PCDHGB7: variants seen among roughly 807,000 people sequenced by gnomAD.
PCDHGB7 encodes the protein protocadherin gamma subfamily B, 7.
In PCDHGB7, 37 loss-of-function variants were observed where a neutral mutation model predicts 61.4. The observed-to-expected ratio is 0.60, with a 90% CI of 0.46 to 0.79. The LOEUF (loss-of-function observed/expected upper bound fraction) is 0.79. PCDHGB7 is among the 30% of genes least tolerant of loss of function. The pLI, the probability that PCDHGB7 is intolerant of heterozygous loss-of-function variation, is 0.00. For synonymous variants in PCDHGB7, 464 were observed against 503.5 expected (o/e 0.92, Z 1.05); for missense variants, 1,166 against 1,202.5 (o/e 0.97, Z 0.45).
rs376773009 is a variant in PCDHGB7, at chr5:141,511,838, C to T, written c.*665C>T. 64 of 156,854 alleles carry T rather than the reference C, an allele frequency of 4.1e-4. No homozygotes were observed. Among genetic ancestry groups the T allele is most frequent in the Non-Finnish European group, 6.8e-4 (48 of 70,726 alleles). The allele number at this position is 156,854 out of a possible 1,614,324, so 9.7% of individuals were successfully genotyped here. A position where few individuals can be genotyped will look rare whatever the true frequency, so the allele number is the denominator to read the frequency against. ...TCTTCCCAACGCCCTGGGGACCAGTCTTCTGTTTTGTTTTTCATTGTTTGA... is the reference window on the plus strand; with the variant it reads ...TCTTCCCAACGCCCTGGGGACCAGTTTTCTGTTTTGTTTTTCATTGTTTGA... On this transcript the variant is annotated 3_prime_UTR_variant, in exon 4 of 4. Transcript: ENST00000398594.
intron 1 of PCDHGB7, chr5:141,422,096 C>T: frequency 6.2e-7 from 1 of 1,610,710 alleles, no homozygotes; most frequent in Non-Finnish European, 8.5e-7. Context: ...AGCAAGGCTT[C>T]TGAAATATTC....
intron 1 of PCDHGB7, chr5:141,428,335 T>G (rs535486665): frequency 3.3e-6 from 2 of 615,106 alleles, no homozygotes; most frequent in East Asian, 5.9e-5. Context: ...TTCTATGCTC[T>G]TCTTCCTCGC....
In PCDHGB7 at chr5:141,431,149, G is replaced by A. The variant is rs150692324; in HGVS notation, c.2415+10875G>A. Reference sequence around the variant, plus strand: ...AAGTAAGGGACATTAACGACAATGCGCCTTACTTTCGTGAAAGTGAATTAG... The same window carrying A: ...AAGTAAGGGACATTAACGACAATGCACCTTACTTTCGTGAAAGTGAATTAG... On this transcript the variant is annotated intron_variant, in intron 1 of 3. Coordinates refer to ENST00000398594, the MANE Select transcript of PCDHGB7 (RefSeq NM_018927.4). This position sits in a 1 kb window ranked among gnomAD's most constrained non-coding sequence, Gnocchi z 4.8. The A allele has an allele frequency of 3.7e-4, 605 of 1,614,210 alleles. No individual in the cohort carries two copies. Among genetic ancestry groups the A allele is most frequent in the Non-Finnish European group, 4.7e-4 (552 of 1,180,020 alleles).
chr5:141,423,672 T>A, intron 1 of PCDHGB7: 2 of 1,549,982 alleles, frequency 1.3e-6, no homozygotes, highest in Non-Finnish European at 1.7e-6. Context: ...TGAGATTTAT[T>A]TCTCTGCCTC....
Position 141,490,896 on chromosome 5 carries a change from G to A in PCDHGB7, c.2416-3911G>A. 6.2e-7 allele frequency: 1 copy of A among 1,613,938 alleles called. No homozygotes were observed. Among genetic ancestry groups the A allele is most frequent in the Non-Finnish European group, 8.5e-7 (1 of 1,179,922 alleles). ...TGCATGCCAACACATCTCTGCATGTGTTTGTCCTAGACGAGAATGATAATG... is the reference window on the plus strand; with the variant it reads ...TGCATGCCAACACATCTCTGCATGTATTTGTCCTAGACGAGAATGATAATG... On this transcript the variant is annotated intron_variant, in intron 1 of 3. Coordinates refer to ENST00000398594, the MANE Select transcript of PCDHGB7 (RefSeq NM_018927.4). This position sits in a 1 kb window ranked among gnomAD's most constrained non-coding sequence, Gnocchi z 5.4.
rs367744321 is a variant in PCDHGB7, at chr5:141,489,394, C to G, written c.2416-5413C>G. The G allele has an allele frequency of 3.7e-6, 6 of 1,614,008 alleles. No individual in the cohort carries two copies. In the African/African-American group the frequency reaches 6.7e-5, roughly 18 times the overall value. On this transcript the variant is annotated intron_variant, in intron 1 of 3. Transcript: ENST00000398594. The surrounding 1 kb of genome is among the most constrained non-coding windows in gnomAD (Gnocchi z 4.5). ...GCTGGTGGGGAATGTTGCTCAGGATCTGGGCTTAAAGATGACAGATCTGTT... is the reference window on the plus strand; with the variant it reads ...GCTGGTGGGGAATGTTGCTCAGGATGTGGGCTTAAAGATGACAGATCTGTT...
chr5:141,435,181 T>C (rs1249878603), intron 1 of PCDHGB7, among the ~76,000 whole-genome samples: 1 of 152,184 alleles, frequency 6.6e-6, no homozygotes, highest in African/African-American at 2.4e-5. Context: ...TTAACTACAC[T>C]TGAGATGGCT....
At position 141,419,457 on chromosome 5, in the gene PCDHGB7, A is replaced by AGGCCCGCGACCAGGGCT; in HGVS notation, c.1599_1615dup (p.Ser539TrpfsTer14). 1.2e-6 allele frequency: 2 copies of AGGCCCGCGACCAGGGCT among 1,612,728 alleles called. No individual in the cohort carries two copies. The highest frequency in any genetic ancestry group is 1.7e-6 in the Non-Finnish European group (2 of 1,179,610). ...CTGCGCACCTTCGAGCTCACGCTGC[A>AGGCCCGCGACCAGGGCT]GGCCCGCGACCAGGGCTCGCCCGCG... is the stretch of plus-strand genomic sequence containing the variant. On this transcript the variant is annotated frameshift_variant, in exon 1 of 4. Coordinates refer to ENST00000398594, the MANE Select transcript of PCDHGB7 (RefSeq NM_018927.4). LOFTEE classifies it high-confidence loss of function.
intron 3 of PCDHGB7, among the ~76,000 whole-genome samples, chr5:141,509,320 C>A (rs1261653347): frequency 6.6e-6 from 1 of 152,194 alleles, no homozygotes; most frequent in Non-Finnish European, 1.5e-5. Flanking sequence ...GGGAGAGAAG[C>A]TCTACTGCCA....
In PCDHGB7 at chr5:141,476,762, G is replaced by A. The variant is rs1338892879; in HGVS notation, c.2416-18045G>A. The A allele has an allele frequency of 6.2e-7, 1 of 1,613,848 alleles. No individual in the cohort carries two copies. ...GCCTAGTCTCCAGTTAGTGCTGACG[G>A]CGTTGGACGGAGGGACCCCAGCTCT... On this transcript the variant is annotated intron_variant, in intron 1 of 3. Coordinates refer to ENST00000398594, the MANE Select transcript of PCDHGB7 (RefSeq NM_018927.4). The surrounding 1 kb of genome is among the most constrained non-coding windows in gnomAD (Gnocchi z 7.6).
chr5:141,489,431 T>C lies in PCDHGB7; in HGVS notation c.2416-5376T>C. 6.2e-7 allele frequency: 1 copy of C among 1,614,132 alleles called. No individual in the cohort carries two copies. Among genetic ancestry groups the C allele is most frequent in the Non-Finnish European group, 8.5e-7 (1 of 1,180,024 alleles). On this transcript the variant is annotated intron_variant, in intron 1 of 3. Transcript: ENST00000398594. This position sits in a 1 kb window ranked among gnomAD's most constrained non-coding sequence, Gnocchi z 4.5. ...ATGACAGATCTGTTGAGCCGGCGGC[T>C]GCAATTGGGCTCTGAGGAGAATGGG...
In PCDHGB7 at chr5:141,431,253, ACT is replaced by A. The variant is rs757246289; in HGVS notation, c.2415+10984_2415+10985del. On this transcript the variant is annotated intron_variant, in intron 1 of 3. Coordinates refer to ENST00000398594, the MANE Select transcript of PCDHGB7 (RefSeq NM_018927.4). This position sits in a 1 kb window ranked among gnomAD's most constrained non-coding sequence, Gnocchi z 4.8. ...GCCTGGGATCCGGATATCGGGAAGA[ACT>A]CTCTGCAGAGCTACGAGCTCAGCCC... 2.2e-5 allele frequency: 35 copies of A among 1,614,014 alleles called. No individual in the cohort carries two copies. In the South Asian group the frequency reaches 3.1e-4, roughly 14 times the overall value.
chr5:141,491,312 C>T lies in PCDHGB7; in HGVS notation c.2416-3495C>T, dbSNP rs749198887. The stretch of plus-strand genomic sequence containing the variant: ...CACCCTCCTGAGCGTTCAGACCTTA[C>T]CCTTTACCTCATTGTGGCTCTAGCG... On this transcript the variant is annotated intron_variant, in intron 1 of 3. Transcript: ENST00000398594. The surrounding 1 kb of genome is among the most constrained non-coding windows in gnomAD (Gnocchi z 6.9). 3 of 1,614,170 alleles carry T rather than the reference C, an allele frequency of 1.9e-6. No individual in the cohort carries two copies. Among genetic ancestry groups the T allele is most frequent in the East Asian group, 4.5e-5 (2 of 44,878 alleles).
chr5:141,449,693 G>A (rs2098652097), intron 1 of PCDHGB7, among the ~76,000 whole-genome samples: 1 of 150,164 alleles, frequency 6.7e-6, no homozygotes, highest in South Asian at 2.1e-4. Flanking sequence ...TTGTGTGTAT[G>A]TACACAAACA....
chr5:141,511,031 A>G lies in PCDHGB7; in HGVS notation c.2648A>G (p.Gln883Arg). 6.2e-7 allele frequency: 1 copy of G among 1,614,244 alleles called. No individual in the cohort carries two copies. The highest frequency in any genetic ancestry group is 8.5e-7 in the Non-Finnish European group (1 of 1,180,034). ...SARYGPQFTL[Q>R]HVPDYRQNVY... Reference sequence around the variant, plus strand: ...CGCTACGGACCCCAGTTCACCCTGCAGCACGTGCCCGACTACCGCCAGAAT... The same window carrying G: ...CGCTACGGACCCCAGTTCACCCTGCGGCACGTGCCCGACTACCGCCAGAAT... The change falls in exon 4 of 4, where the codon CAG (glutamine) becomes CGG (arginine). Residue 883 changes from glutamine to arginine, a missense_variant. Gln to Arg is a conservative substitution (Grantham distance 43). Coordinates refer to ENST00000398594, the MANE Select transcript of PCDHGB7 (RefSeq NM_018927.4).
At chr5:141,421,618 G>A (rs748399893) in intron 1 of PCDHGB7, 1 of 1,613,766 alleles carries the variant, frequency 6.2e-7, no homozygotes, top group African/African-American at 1.3e-5. Context: ...TAATGATAAC[G>A]CCCCCAGCTT....
intron 1 of PCDHGB7, among the ~76,000 whole-genome samples, chr5:141,454,252 A>T (rs1288181537): frequency 6.6e-6 from 1 of 152,214 alleles, no homozygotes; most frequent in Non-Finnish European, 1.5e-5. Context: ...AAGATGTCCC[A>T]GAGAAAGTAA....
chr5:141,421,812 A>T, intron 1 of PCDHGB7: 1 of 1,613,822 alleles, frequency 6.2e-7, no homozygotes, highest in Non-Finnish European at 8.5e-7. Context: ...ATCCAGAGCT[A>T]GTACTGGAGG....
intron 1 of PCDHGB7, chr5:141,433,096 C>G: frequency 3.1e-6 from 5 of 1,614,118 alleles, no homozygotes; most frequent in Non-Finnish European, 4.2e-6. Flanking sequence ...CAGACATGCT[C>G]GTCAGCCAGG....
Sources: allele counts gnomAD v4.1 joint callset (sites outside exome capture counted in the v4.1 genomes callset), GRCh38; gene constraint gnomAD v4.1.1; non-coding constraint Gnocchi (gnomAD v3.1); transcripts MANE v1.5; gene names NCBI Gene and HGNC (gene_info 2026-07-23, HGNC 2026-07-21).